Variants in PPP1CB observed in about 807,000 individuals in gnomAD.
PPP1CB encodes the protein serine/threonine-protein phosphatase PP1-beta catalytic subunit.
PPP1CB carries 2 observed loss-of-function variants against 43.7 expected under a neutral mutation model. The ratio of observed to expected loss-of-function variants is 0.05; its 90% CI spans 0.02 to 0.14. The LOEUF is 0.14. Among genes scored for constraint, PPP1CB ranks in the 10% least tolerant of loss-of-function variants. The pLI, the probability that PPP1CB is intolerant of heterozygous loss-of-function variation, is 1.00. For missense variants in PPP1CB, 84 were observed against 398.0 expected (o/e 0.21, Z 6.71); for synonymous variants, 136 against 135.6 (o/e 1.00, Z -0.02).
At chr2:28,759,889 G>A (rs1424703977) in intron 1 of PPP1CB, among the ~76,000 whole-genome samples, 1 of 152,118 alleles carries the variant, frequency 6.6e-6, no homozygotes, top group Non-Finnish European at 1.5e-5. Flanking sequence ...AAAGTGTTGG[G>A]ATTACAGGCT....
At chr2:28,786,444 A>G (rs1244363300) in intron 5 of PPP1CB, among the ~76,000 whole-genome samples, 1 of 152,120 alleles carries the variant, frequency 6.6e-6, no homozygotes, top group Non-Finnish European at 1.5e-5. Context: ...TGTTAAGGTT[A>G]AAGAATTCCA....
intron 1 of PPP1CB, 100 bp from the exon 2 acceptor site, chr2:28,776,751 G>T (rs749536443): frequency 1.2e-4 from 133 of 1,105,070 alleles, no homozygotes; most frequent in Non-Finnish European, 1.7e-4. Flanking sequence ...TTTGCTGCCT[G>T]TGTGACTTTT....
chr2:28,761,043 G>A (rs57111835), intron 1 of PPP1CB, among the ~76,000 whole-genome samples: 315 of 152,256 alleles, frequency 2.1e-3, no homozygotes, highest in African/African-American at 7.1e-3. Context: ...TGGGATTACA[G>A]GCGCCTGCCA....
intron 5 of PPP1CB, among the ~76,000 whole-genome samples, chr2:28,787,610 G>C (rs1043590323): frequency 6.6e-6 from 1 of 152,198 alleles, no homozygotes; most frequent in Non-Finnish European, 1.5e-5. Context: ...ATTGAGGTCT[G>C]ATGATTTAAT....
chr2:28,757,977 T>C (rs1489103019), intron 1 of PPP1CB, among the ~76,000 whole-genome samples: 1 of 151,810 alleles, frequency 6.6e-6, no homozygotes, highest in Non-Finnish European at 1.5e-5. Flanking sequence ...TTTTCTTCCT[T>C]ATTCTCCACG....
Position 28,775,553 on chromosome 2 carries a change from C to T in PPP1CB, c.53-1298C>T, listed in dbSNP as rs1008730650. The stretch of plus-strand genomic sequence containing the variant: ...GGCTAATTCTGTTTTTTAAAAACAT[C>T]TTTTGTTGACACAGGGCCTTGCTTT... On this transcript the variant is annotated intron_variant, in intron 1 of 7. Transcript: ENST00000395366. 5.9e-5 allele frequency among the ~76,000 whole-genome samples: 9 copies of T among 152,158 alleles called. 1 individual carries two copies. The East Asian group carries it at 1.7e-3, about 29-fold the overall frequency.
rs965698103 is a variant in PPP1CB at position 28,802,100 on chromosome 2, G to A, written c.*2797G>A. On this transcript the variant is annotated 3_prime_UTR_variant, in exon 8 of 8. Coordinates refer to ENST00000395366, the MANE Select transcript of PPP1CB (RefSeq NM_002709.3). ...AAGAAGAATTTTAAAGCTTAAAATAGGTGGTAAATTTGAAGTATGAGTGTG... is the reference window on the plus strand; with the variant it reads ...AAGAAGAATTTTAAAGCTTAAAATAAGTGGTAAATTTGAAGTATGAGTGTG... 4.6e-5 allele frequency: 7 copies of A among 152,096 alleles called. No homozygotes were observed. The highest frequency in any genetic ancestry group is 1.7e-4 in the African/African-American group (7 of 41,412). 9.4% of individuals were successfully genotyped at this position (152,096 alleles called of 1,614,324 possible).
chr2:28,761,942 G>A (rs1666666525), intron 1 of PPP1CB, among the ~76,000 whole-genome samples: 1 of 152,152 alleles, frequency 6.6e-6, no homozygotes, highest in Non-Finnish European at 1.5e-5. Context: ...TTATTTATGT[G>A]AGGTATTTAA....
At chr2:28,757,063 C>G (rs773879417) in intron 1 of PPP1CB, among the ~76,000 whole-genome samples, 1 of 152,068 alleles carries the variant, frequency 6.6e-6, no homozygotes, top group East Asian at 1.9e-4. Context: ...CATTCCCTCC[C>G]GGCCCCCACT....
At chr2:28,772,492 A>G (rs916809967) in intron 1 of PPP1CB, among the ~76,000 whole-genome samples, 1 of 152,214 alleles carries the variant, frequency 6.6e-6, no homozygotes, top group Non-Finnish European at 1.5e-5. Context: ...AACTGATGGT[A>G]TCTACTACTT....
chr2:28,793,920 G>T lies in PPP1CB; in HGVS notation c.802G>T (p.Ala268Ser). The part of the protein sequence containing the change: ...AKRQLVTLFS[A>S]PNYCGEFDNA... Reference sequence around the variant, plus strand: ...ACGACAGTTGGTAACCTTATTTTCAGCCCCAAATTACTGTGGCGAGTTTGA... The same window carrying T: ...ACGACAGTTGGTAACCTTATTTTCATCCCCAAATTACTGTGGCGAGTTTGA... The change falls in exon 7 of 8, where the codon GCC becomes TCC. Residue 268 changes from alanine (A) to serine (S), a missense_variant. By Grantham distance (99) the Ala-to-Ser change is moderately conservative (BLOSUM62 1). Around this residue, in one of 5 missense-constraint regions of PPP1CB, gnomAD observed 4 missense variants for 72.9 expected, o/e 0.05. Transcript: ENST00000395366. 6.2e-7 allele frequency: 1 copy of T among 1,614,098 alleles called. No homozygotes were observed. The highest frequency in any genetic ancestry group is 8.5e-7 in the Non-Finnish European group (1 of 1,180,008).
intron 4 of PPP1CB, chr2:28,782,893 A>G (rs1667184911): frequency 6.6e-6 from 1 of 152,252 alleles, no homozygotes; most frequent in South Asian, 2.1e-4. Flanking sequence ...CTGGCAGAAC[A>G]TAATTCACTA....
rs1667567901 is a variant in PPP1CB at position 28,799,658 on chromosome 2, G to A, written c.*355G>A. ...GATCCATCTGTGTAATGTGGTTTTA[G>A]TGTTGCTTGGTTGTTTAATTATTTT... On this transcript the variant is annotated 3_prime_UTR_variant, in exon 8 of 8. Transcript: ENST00000395366. 5.6e-6 allele frequency: 1 copy of A among 177,772 alleles called. No homozygotes were observed. Among genetic ancestry groups the A allele is most frequent in the South Asian group, 2.0e-4 (1 of 5,058 alleles). The allele number at this position is 177,772 out of a possible 1,614,324, so 11.0% of individuals were successfully genotyped here. A position where few individuals can be genotyped will look rare whatever the true frequency, so the allele number is the denominator to read the frequency against.
chr2:28,785,262 GAT>G (rs1325291114), intron 5 of PPP1CB, among the ~76,000 whole-genome samples: 1 of 151,238 alleles, frequency 6.6e-6, no homozygotes, highest in East Asian at 2.0e-4. Flanking sequence ...TTTTAGTAGA[GAT>G]GGGGTTTCAC....
chr2:28,766,509 A>G (rs1666779781), intron 1 of PPP1CB, among the ~76,000 whole-genome samples: 1 of 152,218 alleles, frequency 6.6e-6, no homozygotes, highest in South Asian at 2.1e-4. Flanking sequence ...ATCTTAGCAG[A>G]TTACACTTCA....
At chr2:28,751,808 G>C, upstream of PPP1CB, 1 of 445,990 alleles carries the variant, frequency 2.2e-6, no homozygotes, top group Non-Finnish European at 4.1e-6. Context: ...GGGTGGGGCC[G>C]TCGGCGGCGC....
At position 28,767,980 on chromosome 2, in the gene PPP1CB, A is replaced by G. The variant is rs527699149; in HGVS notation, c.53-8871A>G. The stretch of plus-strand genomic sequence containing the variant: ...TTGGTGCTCCCACCAAAGTTGTGTG[A>G]CTGATTAAGTCAGGTGAAATAAATT... On this transcript the variant is annotated intron_variant, in intron 1 of 7. Coordinates refer to ENST00000395366, the MANE Select transcript of PPP1CB (RefSeq NM_002709.3). Among the ~76,000 whole-genome samples the G allele has an allele frequency of 1.1e-4, 16 of 152,326 alleles. No individual in the cohort carries two copies. In the South Asian group the frequency reaches 2.3e-3, roughly 22 times the overall value.
intron 4 of PPP1CB, among the ~76,000 whole-genome samples, chr2:28,783,464 G>A (rs1667196362): frequency 6.6e-6 from 1 of 152,044 alleles, no homozygotes; most frequent in Admixed American, 6.6e-5. Context: ...TGCCCTTTAA[G>A]ACATTAAAAG....
chr2:28,768,319 G>A (rs1666827576), intron 1 of PPP1CB, among the ~76,000 whole-genome samples: 2 of 152,044 alleles, frequency 1.3e-5, no homozygotes, highest in Admixed American at 6.6e-5. Context: ...TGGAAGTTTG[G>A]GGCCACTAAA....
Sources: gnomAD v4.1 joint callset for allele counts (sites outside exome capture counted in the v4.1 genomes callset) on GRCh38, gnomAD v4.1.1 for gene constraint, gnomAD v4.1.1 regional missense constraint, MANE v1.5 for transcripts, NCBI Gene and HGNC (gene_info 2026-07-23, HGNC 2026-07-21) for gene names.